The following CD226 variants were observed in gnomAD, a reference collection of about 807,000 sequenced individuals.
CD226 encodes CD226 antigen.
CD226 carries 24 observed loss-of-function variants against 34.9 expected under a neutral mutation model. The observed-to-expected ratio is 0.69, with a 90% CI of 0.50 to 0.97. The LOEUF is 0.97. CD226 is among the 50% of genes least tolerant of loss of function. CD226 has a pLI of 0.00. For missense variants in CD226, 397 were observed against 412.7 expected (o/e 0.96, Z 0.33); for synonymous variants, 148 against 147.4 (o/e 1.00, Z -0.03).
chr18:69,934,405 T>C (rs2055627357), intron 2 of CD226, among the ~76,000 whole-genome samples: 1 of 152,146 alleles, frequency 6.6e-6, no homozygotes, highest in South Asian at 2.1e-4. Context: ...AACAAGTATG[T>C]TCTTAAGAGC....
rs1271013718 is a variant in CD226, at chr18:69,861,908, G to A, written c.*2406C>T. On this transcript the variant is annotated 3_prime_UTR_variant, in exon 6 of 6. Transcript: ENST00000582621. ...AACAGGAGCATCAGAAGACGTCAGA[G>A]AATTTTTGGGAGGACTTCAGATGGC... is the stretch of plus-strand genomic sequence containing the variant. 1 of 152,018 alleles carries A rather than the reference G, an allele frequency of 6.6e-6. No homozygotes were observed. The highest frequency in any genetic ancestry group is 1.9e-4 in the East Asian group (1 of 5,170). The allele number at this position is 152,018 out of a possible 1,614,324, so 9.4% of individuals were successfully genotyped here.
Position 69,860,131 on chromosome 18 carries a change from G to T in CD226, c.*4183C>A, listed in dbSNP as rs1424339019. 1 of 152,132 alleles carries T rather than the reference G, an allele frequency of 6.6e-6. No homozygotes were observed. Among genetic ancestry groups the T allele is most frequent in the Non-Finnish European group, 1.5e-5 (1 of 68,020 alleles). 9.4% of individuals were successfully genotyped at this position (152,132 alleles called of 1,614,324 possible). On this transcript the variant is annotated 3_prime_UTR_variant, in exon 6 of 6. Transcript: ENST00000582621. ...ATTGCATTGAGATAAAAATTACAAT[G>T]TATCATTGATTTGAATTTTTTCTGC...
chr18:69,921,644 T>C (rs931756499), intron 2 of CD226, among the ~76,000 whole-genome samples: 4 of 152,186 alleles, frequency 2.6e-5, no homozygotes, highest in African/African-American at 9.6e-5. Flanking sequence ...CCTTCGTGGA[T>C]TGGCCTTATC....
intron 2 of CD226, among the ~76,000 whole-genome samples, chr18:69,905,850 G>C (rs775529100): frequency 5.3e-5 from 8 of 152,208 alleles, no homozygotes; most frequent in Non-Finnish European, 1.2e-4. Context: ...ACAGAGCTGT[G>C]AGTTTCAGAA....
At chr18:69,890,815 A>G (rs974120113) in intron 3 of CD226, among the ~76,000 whole-genome samples, 3 of 152,168 alleles carry the variant, frequency 2.0e-5, no homozygotes, top group African/African-American at 7.2e-5. Context: ...ATGACCCATC[A>G]CTGATCCCAG....
chr18:69,953,966 C>T (rs947030746), intron 1 of CD226, among the ~76,000 whole-genome samples: 3 of 149,996 alleles, frequency 2.0e-5, no homozygotes, highest in Non-Finnish European at 4.4e-5. Context: ...TGCCACTGCA[C>T]TCCAGCCAGG....
intron 3 of CD226, among the ~76,000 whole-genome samples, chr18:69,879,945 C>T (rs566589719): frequency 1.1e-4 from 17 of 152,284 alleles, no homozygotes; most frequent in African/African-American, 3.6e-4. Flanking sequence ...CGGAATTGTA[C>T]GTGAGATGGC....
At chr18:69,888,879 CTT>C (rs1366599367) in intron 3 of CD226, among the ~76,000 whole-genome samples, 1 of 152,082 alleles carries the variant, frequency 6.6e-6, no homozygotes, top group East Asian at 1.9e-4. Context: ...CTGACAATAA[CTT>C]ATCACTATTA....
At chr18:69,949,858 G>A (rs957337940), upstream of CD226, among the ~76,000 whole-genome samples, 14 of 149,152 alleles carry the variant, frequency 9.4e-5, no homozygotes, top group African/African-American at 1.2e-4. Flanking sequence ...GCACTTACAC[G>A]TTATCACTCA....
intron 3 of CD226, among the ~76,000 whole-genome samples, chr18:69,885,852 A>G (rs1452560049): frequency 6.6e-6 from 1 of 152,080 alleles, no homozygotes; most frequent in Non-Finnish European, 1.5e-5. Context: ...GGAAGGGGAG[A>G]AGGTCCCCTC....
rs140469903 is a variant in CD226 at position 69,887,162 on chromosome 18, A to G, written c.727+8539T>C. Among the ~76,000 whole-genome samples, 1,508 of 152,322 alleles carry G rather than the reference A, an allele frequency of 9.9e-3. 28 individuals carry two copies. Among genetic ancestry groups the G allele is most frequent in the African/African-American group, 0.034 (1,416 of 41,566 alleles). On this transcript the variant is annotated intron_variant, in intron 3 of 5. Coordinates refer to ENST00000582621, the MANE Select transcript of CD226 (RefSeq NM_001303618.2). ...CAAAATGACTTGTTTGGATTAAAAT[A>G]TTTGGGATTTGGCATGTGTGCATAT...
intron 1 of CD226, 131 bp from the exon 2 acceptor site, chr18:69,947,200 G>A: frequency 1.1e-6 from 1 of 937,594 alleles, no homozygotes; most frequent in South Asian, 1.7e-5. Context: ...TGTCTAAAAA[G>A]GCGTCCTGCT....
chr18:69,901,723 C>CA (rs1419050866), intron 2 of CD226, among the ~76,000 whole-genome samples: 10 of 151,798 alleles, frequency 6.6e-5, no homozygotes, highest in Non-Finnish European at 5.9e-5. Flanking sequence ...ACTAAAAATA[C>CA]AAAAAATTAG....
intron 2 of CD226, among the ~76,000 whole-genome samples, chr18:69,933,393 T>A (rs1003728881): frequency 6.6e-6 from 1 of 152,192 alleles, no homozygotes; most frequent in Non-Finnish European, 1.5e-5. Context: ...TGTGATGCAC[T>A]TTCCTGTTTG....
chr18:69,901,741 T>C (rs796680853), intron 2 of CD226, among the ~76,000 whole-genome samples: 25 of 151,868 alleles, frequency 1.6e-4, no homozygotes, highest in African/African-American at 5.1e-4. Context: ...TAGCCGGGCG[T>C]GGTGGCAGGT....
rs1982639859 is a variant in CD226 at position 69,857,255 on chromosome 18, C to G, written c.*7059G>C. On this transcript the variant is annotated 3_prime_UTR_variant, in exon 6 of 6. Coordinates refer to ENST00000582621, the MANE Select transcript of CD226 (RefSeq NM_001303618.2). ...GAAAGGTTAGAAGAGTAATCTCTATCTCTAGAAGCTACTGAGCCATTACAT... is the reference window on the plus strand; with the variant it reads ...GAAAGGTTAGAAGAGTAATCTCTATGTCTAGAAGCTACTGAGCCATTACAT... 6.6e-6 allele frequency: 1 copy of G among 152,232 alleles called. No individual in the cohort carries two copies. Among genetic ancestry groups the G allele is most frequent in the African/African-American group, 2.4e-5 (1 of 41,466 alleles). 9.4% of individuals were successfully genotyped at this position (152,232 alleles called of 1,614,324 possible). A position where few individuals can be genotyped will look rare whatever the true frequency, so the allele number is the denominator to read the frequency against.
chr18:69,896,181 CTTTTT>C, intron 2 of CD226, 136 bp from the exon 3 acceptor site: 1 of 1,206,296 alleles, frequency 8.3e-7, no homozygotes, highest in Non-Finnish European at 1.1e-6. Flanking sequence ...CTTTATACTA[CTTTTT>C]TTTTTTTTTT....
chr18:69,890,393 T>C (rs543726035), intron 3 of CD226, among the ~76,000 whole-genome samples: 1 of 152,058 alleles, frequency 6.6e-6, no homozygotes, highest in East Asian at 1.9e-4. Flanking sequence ...CCCAGGACCA[T>C]CCTTGAAACC....
At chr18:69,870,177 G>C (rs763533015) in intron 4 of CD226, among the ~76,000 whole-genome samples, 3 of 151,536 alleles carry the variant, frequency 2.0e-5, no homozygotes, top group Non-Finnish European at 4.4e-5. Flanking sequence ...GTGTTCACAA[G>C]GAATGTAAAA....
Sources: allele counts gnomAD v4.1 joint callset (sites outside exome capture counted in the v4.1 genomes callset), GRCh38; gene constraint gnomAD v4.1.1; transcripts MANE v1.5; gene names NCBI Gene and HGNC (gene_info 2026-07-23, HGNC 2026-07-21).